Variants in KCNH5 observed in about 807,000 individuals in gnomAD.
KCNH5 encodes voltage-gated delayed rectifier potassium channel KCNH5.
Under a neutral mutation model 96.1 loss-of-function variants are expected in KCNH5, and 46 were observed. The ratio of observed to expected loss-of-function variants is 0.48; its 90% CI spans 0.38 to 0.61. The LOEUF (loss-of-function observed/expected upper bound fraction) is 0.61, where lower values mean the gene tolerates loss of function less well. Ranked by LOEUF, KCNH5 falls within the 20% of genes least tolerant of loss-of-function variation. The pLI, the probability that KCNH5 is intolerant of heterozygous loss-of-function variation, is 0.00. For missense variants in KCNH5, 907 were observed against 1,225.8 expected (o/e 0.74, Z 3.88); for synonymous variants, 439 against 449.8 (o/e 0.98, Z 0.30).
At chr14:62,733,703 C>T (rs1387461459) in intron 10 of KCNH5, among the ~76,000 whole-genome samples, 2 of 152,180 alleles carry the variant, frequency 1.3e-5, no homozygotes, top group Non-Finnish European at 2.9e-5. Context: ...CTGTGGCCCA[C>T]AGTCCATAAC....
chr14:62,857,526 T>C (rs955607161), intron 7 of KCNH5, among the ~76,000 whole-genome samples: 3 of 152,130 alleles, frequency 2.0e-5, no homozygotes, highest in Non-Finnish European at 2.9e-5. Context: ...GGTCCCACAA[T>C]AGGCCATCTG....
intron 1 of KCNH5, among the ~76,000 whole-genome samples, chr14:63,040,749 C>T (rs886393626): frequency 2.8e-4 from 43 of 152,070 alleles, no homozygotes; most frequent in African/African-American, 9.6e-4. Context: ...TCTTTTAAGA[C>T]CTCAGTTTGT....
chr14:62,843,676 C>T (rs1180040419), intron 8 of KCNH5, among the ~76,000 whole-genome samples: 1 of 152,116 alleles, frequency 6.6e-6, no homozygotes, highest in Non-Finnish European at 1.5e-5. Context: ...TCCCAAAGTG[C>T]TGGGATTACA....
At chr14:62,809,413 C>T (rs1396937912) in intron 8 of KCNH5, among the ~76,000 whole-genome samples, 2 of 152,092 alleles carry the variant, frequency 1.3e-5, no homozygotes, top group African/African-American at 2.4e-5. Flanking sequence ...CTTTGGGGAA[C>T]TAGCCTCATA....
intron 8 of KCNH5, among the ~76,000 whole-genome samples, chr14:62,838,567 T>C (rs1887511672): frequency 6.6e-6 from 1 of 151,764 alleles, no homozygotes; most frequent in Non-Finnish European, 1.5e-5. Flanking sequence ...TGAAGATGAG[T>C]GGGAAGGATA....
At chr14:62,907,829 G>A (rs1401035951) in intron 7 of KCNH5, among the ~76,000 whole-genome samples, 1 of 152,130 alleles carries the variant, frequency 6.6e-6, no homozygotes, top group Non-Finnish European at 1.5e-5. Flanking sequence ...ACTTGCTCTG[G>A]CCCCTGCCCT....
At chr14:62,890,462 G>C (rs553339838) in intron 7 of KCNH5, among the ~76,000 whole-genome samples, 1 of 151,892 alleles carries the variant, frequency 6.6e-6, no homozygotes, top group Non-Finnish European at 1.5e-5. Context: ...TTGGGAGGCC[G>C]AGGCGGGCGG....
intron 6 of KCNH5, among the ~76,000 whole-genome samples, chr14:62,952,911 T>C (rs1438404697): frequency 6.6e-6 from 1 of 152,146 alleles, no homozygotes; most frequent in Non-Finnish European, 1.5e-5. Flanking sequence ...TATTTAGAAG[T>C]AGTTTGACAC....
chr14:62,873,149 CAAA>C (rs34678951), intron 7 of KCNH5, among the ~76,000 whole-genome samples: 5 of 113,884 alleles, frequency 4.4e-5, no homozygotes, highest in East Asian at 2.5e-4. Context: ...GACTCTGACT[CAAA>C]AAAAAAAAAA....
intron 10 of KCNH5, among the ~76,000 whole-genome samples, chr14:62,715,156 T>A (rs150266242): frequency 1.3e-5 from 2 of 152,122 alleles, no homozygotes; most frequent in African/African-American, 4.8e-5. Context: ...AAAAGTGATA[T>A]CAAAATTGAA....
chr14:62,709,420 C>T (rs1035111706), intron 10 of KCNH5, among the ~76,000 whole-genome samples: 14 of 151,976 alleles, frequency 9.2e-5, no homozygotes, highest in East Asian at 3.9e-4. Context: ...GAAAAGTTTC[C>T]GGGAGGTAAC....
intron 7 of KCNH5, among the ~76,000 whole-genome samples, chr14:62,881,014 A>G (rs1423415539): frequency 2.0e-5 from 3 of 152,212 alleles, no homozygotes; most frequent in Non-Finnish European, 2.9e-5. Flanking sequence ...CAGCCATTTT[A>G]TAAGAGCCAG....
chr14:62,822,855 C>T (rs1375636171), intron 8 of KCNH5, among the ~76,000 whole-genome samples: 1 of 152,012 alleles, frequency 6.6e-6, no homozygotes, highest in African/African-American at 2.4e-5. Flanking sequence ...CTTTAAAAAA[C>T]CATACAGTGC....
At chr14:62,947,788 C>A (rs894028343) in intron 7 of KCNH5, among the ~76,000 whole-genome samples, 5 of 151,404 alleles carry the variant, frequency 3.3e-5, no homozygotes, top group African/African-American at 9.8e-5. Flanking sequence ...TAATGCTAAT[C>A]ACACCTTCAG....
chr14:62,828,549 C>A (rs1284876997), intron 8 of KCNH5, among the ~76,000 whole-genome samples: 8 of 152,048 alleles, frequency 5.3e-5, no homozygotes. Flanking sequence ...GGCAAGTAAG[C>A]AAGCAAGGAG....
chr14:62,759,083 A>G (rs1216411658), intron 10 of KCNH5, among the ~76,000 whole-genome samples: 6 of 152,322 alleles, frequency 3.9e-5, no homozygotes, highest in African/African-American at 1.4e-4. Flanking sequence ...ATAGAGGAAT[A>G]CCTTTGCTCT....
intron 10 of KCNH5, among the ~76,000 whole-genome samples, chr14:62,754,811 G>A (rs1039273955): frequency 6.6e-6 from 1 of 151,816 alleles, no homozygotes; most frequent in Admixed American, 6.6e-5. Context: ...GGAGACAGAG[G>A]TTGCAGTGAG....
intron 8 of KCNH5, among the ~76,000 whole-genome samples, chr14:62,837,020 C>T (rs187925676): frequency 7.5e-4 from 114 of 152,248 alleles, no homozygotes; most frequent in African/African-American, 1.4e-3. Context: ...GAGACTATAA[C>T]GCCTGCCACA....
intron 8 of KCNH5, among the ~76,000 whole-genome samples, chr14:62,818,759 C>A (rs960587020): frequency 6.6e-6 from 1 of 152,022 alleles, no homozygotes; most frequent in African/African-American, 2.4e-5. Flanking sequence ...AAATTAGAAG[C>A]AACCCTAATG....
Sources: gnomAD v4.1 joint callset for allele counts (sites outside exome capture counted in the v4.1 genomes callset) on GRCh38, gnomAD v4.1.1 for gene constraint, MANE v1.5 for transcripts, NCBI Gene and HGNC (gene_info 2026-07-23, HGNC 2026-07-21) for gene names.